The following ACADSB variants were observed in gnomAD, a reference collection of about 807,000 sequenced individuals.
The protein encoded by ACADSB is short/branched chain specific acyl-CoA dehydrogenase, mitochondrial.
A neutral mutation model predicts 54.1 loss-of-function variants in ACADSB; 40 were observed. The observed-to-expected ratio is 0.74, with a 90% CI of 0.57 to 0.96. The LOEUF (loss-of-function observed/expected upper bound fraction) is 0.96. Ranked by LOEUF, ACADSB falls within the 40% of genes least tolerant of loss-of-function variation. The pLI, the probability that ACADSB is intolerant of heterozygous loss-of-function variation, is 0.00. For synonymous variants in ACADSB, 182 were observed against 182.8 expected, an observed-to-expected ratio of 1.00 and a Z score of 0.03; for missense variants, 530 against 510.4, an observed-to-expected ratio of 1.04 and a Z score of -0.37.
chr10:123,047,237 A>T lies in ACADSB; in HGVS notation c.929A>T (p.Asp310Val), dbSNP rs1481234138. 8.7e-6 allele frequency: 14 copies of T among 1,609,002 alleles called. No homozygotes were observed. Among genetic ancestry groups the T allele is most frequent in the Non-Finnish European group, 1.1e-5 (13 of 1,175,400 alleles). Residue 310 changes from aspartate to valine, a missense_variant, in exon 8 of 11, where the codon GAC (aspartate) becomes GTC (valine). Physicochemically the swap from Asp to Val is radical, Grantham distance 152. Transcript: ENST00000358776. ...QMLGLAQGCF[D>V]YTIPYIKERI... The stretch of plus-strand genomic sequence containing the variant: ...CTGGGACTGGCGCAAGGATGTTTTG[A>T]CTACACTATTCCATATATTAAAGAA...
At chr10:123,047,980 TG>T (rs777730163) in intron 8 of ACADSB, among the ~76,000 whole-genome samples, 4 of 152,194 alleles carry the variant, frequency 2.6e-5, no homozygotes, top group African/African-American at 4.8e-5. Context: ...GGGGATTCCT[TG>T]GTGGCAGTGG....
At chr10:123,037,462 A>G (rs1451558862) in intron 2 of ACADSB, among the ~76,000 whole-genome samples, 6 of 152,234 alleles carry the variant, frequency 3.9e-5, no homozygotes, top group Non-Finnish European at 8.8e-5. Flanking sequence ...ACCTTTGGGT[A>G]GAGTGGAAAT....
rs567091148 is a variant in ACADSB, at chr10:123,052,419, C to T, written c.1129-642C>T. ...ACTCTGCTTCCTGTCTCCATGGTCA[C>T]GTCACCTTCCATGACTAACTCTCCT... On this transcript the variant is annotated intron_variant, in intron 9 of 10. Coordinates refer to ENST00000358776, the MANE Select transcript of ACADSB (RefSeq NM_001609.4). This position sits in a 1 kb window ranked among gnomAD's most constrained non-coding sequence, Gnocchi z 4.2. 1.3e-5 allele frequency among the ~76,000 whole-genome samples: 2 copies of T among 152,280 alleles called. No homozygotes were observed. The highest frequency in any genetic ancestry group is 1.9e-4 in the East Asian group (1 of 5,182).
intron 1 of ACADSB, among the ~76,000 whole-genome samples, chr10:123,012,822 G>A (rs761483750): frequency 3.3e-5 from 5 of 152,202 alleles, no homozygotes; most frequent in Non-Finnish European, 5.9e-5. Context: ...CTTCCACAGT[G>A]TGGAAGGGGA....
intron 1 of ACADSB, among the ~76,000 whole-genome samples, chr10:123,029,356 A>G (rs541362864): frequency 6.6e-6 from 1 of 151,560 alleles, no homozygotes; most frequent in South Asian, 2.1e-4. Flanking sequence ...AAAAAAAAAG[A>G]GAAGAAAAAA....
At chr10:123,033,706 C>A (rs1220225716) in intron 1 of ACADSB, among the ~76,000 whole-genome samples, 1 of 152,172 alleles carries the variant, frequency 6.6e-6, no homozygotes, top group Non-Finnish European at 1.5e-5. Flanking sequence ...GAAACTGAGA[C>A]TCTGAGAGGT....
chr10:123,028,394 G>A (rs1342351446), intron 1 of ACADSB, among the ~76,000 whole-genome samples: 1 of 152,192 alleles, frequency 6.6e-6, no homozygotes, highest in Non-Finnish European at 1.5e-5. Context: ...GCTGGGCATG[G>A]TAGCTCAGGC....
chr10:123,035,924 C>A (rs1407807606), intron 2 of ACADSB, among the ~76,000 whole-genome samples: 1 of 152,198 alleles, frequency 6.6e-6, no homozygotes, highest in Non-Finnish European at 1.5e-5. Context: ...TCAGGCCCAC[C>A]AATCTCCATG....
intron 1 of ACADSB, among the ~76,000 whole-genome samples, chr10:123,018,796 T>C (rs1437638747): frequency 6.6e-6 from 1 of 152,100 alleles, no homozygotes; most frequent in African/African-American, 2.4e-5. Flanking sequence ...GAACTGCCCT[T>C]TATAAAACGA....
chr10:123,039,745 G>A (rs1223514591), intron 3 of ACADSB, among the ~76,000 whole-genome samples: 1 of 152,138 alleles, frequency 6.6e-6, no homozygotes, highest in Non-Finnish European at 1.5e-5. Context: ...TTATTACATT[G>A]AAATCAGCAT....
chr10:123,034,499 G>T lies in ACADSB; in HGVS notation c.186G>T (p.Met62Ile). 1 of 1,609,410 alleles carries T rather than the reference G, an allele frequency of 6.2e-7. No homozygotes were observed. Among genetic ancestry groups the T allele is most frequent in the Non-Finnish European group, 8.5e-7 (1 of 1,179,886 alleles). Residue 62 changes from methionine (M) to isoleucine (I), a missense_variant, in exon 2 of 11, where the codon ATG (methionine) becomes ATT (isoleucine). Met to Ile is a conservative substitution (Grantham distance 10, BLOSUM62 1). Transcript: ENST00000358776. ...TGCAAACATTTACAGATGAGGAAAT[G>T]ATGATAAAGAGTTCAGGTAAGTAAA... ...APLQTFTDEEMMIKSSVKKFA... is the reference protein window; with the variant it reads ...APLQTFTDEEIMIKSSVKKFA...
intron 8 of ACADSB, among the ~76,000 whole-genome samples, chr10:123,050,347 G>C (rs1032950477): frequency 6.6e-6 from 1 of 152,226 alleles, no homozygotes; most frequent in African/African-American, 2.4e-5. Context: ...CTGTCACTCA[G>C]GGCGGTGCCT....
intron 1 of ACADSB, among the ~76,000 whole-genome samples, chr10:123,009,483 CA>C (rs113043675): frequency 7.2e-4 from 110 of 152,252 alleles, no homozygotes; most frequent in African/African-American, 2.5e-3. Flanking sequence ...CCCCCTCCCC[CA>C]AAAAAGATAG....
At chr10:123,014,637 A>C (rs1446648056) in intron 1 of ACADSB, among the ~76,000 whole-genome samples, 1 of 152,250 alleles carries the variant, frequency 6.6e-6, no homozygotes, top group East Asian at 1.9e-4. Context: ...GACATCAAAA[A>C]AAATTACATT....
Position 123,054,772 on chromosome 10 carries a change from A to T in ACADSB, c.*1007A>T, listed in dbSNP as rs549492854. 3.3e-5 allele frequency: 5 copies of T among 152,320 alleles called. No homozygotes were observed. The highest frequency in any genetic ancestry group is 1.2e-4 in the African/African-American group (5 of 41,574). The allele number at this position is 152,320 out of a possible 1,614,324, so 9.4% of individuals were successfully genotyped here. A position where few individuals can be genotyped will look rare whatever the true frequency, so the allele number is the denominator to read the frequency against. On this transcript the variant is annotated 3_prime_UTR_variant, in exon 11 of 11. Transcript: ENST00000358776. The stretch of plus-strand genomic sequence containing the variant: ...AGTTTTCAAGTATAAGGTTTAAGTA[A>T]TTTGGTTTAATAATCAGAAAATATT...
At chr10:123,036,378 C>T (rs754123254) in intron 2 of ACADSB, among the ~76,000 whole-genome samples, 4 of 152,238 alleles carry the variant, frequency 2.6e-5, no homozygotes, top group Admixed American at 6.5e-5. Context: ...TGAGCCACTG[C>T]GCCCAGCTAG....
At chr10:123,016,709 T>C (rs1850113455) in intron 1 of ACADSB, among the ~76,000 whole-genome samples, 1 of 152,216 alleles carries the variant, frequency 6.6e-6, no homozygotes, top group Non-Finnish European at 1.5e-5. Context: ...CAGACCATCC[T>C]GGGTAAATGT....
At position 123,057,757 on chromosome 10, in the gene ACADSB, C is replaced by CT. The variant is rs1303944025; in HGVS notation, c.*3993dup. 1 of 152,184 alleles carries CT rather than the reference C, an allele frequency of 6.6e-6. No individual in the cohort carries two copies. Among genetic ancestry groups the CT allele is most frequent in the Non-Finnish European group, 1.5e-5 (1 of 68,042 alleles). 9.4% of individuals were successfully genotyped at this position (152,184 alleles called of 1,614,324 possible). On this transcript the variant is annotated 3_prime_UTR_variant, in exon 11 of 11. Transcript: ENST00000358776. The stretch of plus-strand genomic sequence containing the variant: ...CTTAGAGAACCAGCCAACCAACTCT[C>CT]TCATTTTAAAAGTGAAGGATTCATA...
chr10:123,040,759 C>T, intron 4 of ACADSB, 87 bp downstream of exon 4: 1 of 1,272,560 alleles, frequency 7.9e-7, no homozygotes, highest in Non-Finnish European at 1.1e-6. Context: ...GCAATGTCGA[C>T]TTTACTATCC....
Sources: gnomAD v4.1 joint callset for allele counts (sites outside exome capture counted in the v4.1 genomes callset) on GRCh38, gnomAD v4.1.1 for gene constraint, Gnocchi (gnomAD v3.1) non-coding constraint, MANE v1.5 for transcripts, NCBI Gene and HGNC (gene_info 2026-07-23, HGNC 2026-07-21) for gene names.